The following CEP72 variants were observed in gnomAD, a reference collection of about 807,000 sequenced individuals.
CEP72 encodes the protein centrosomal protein of 72 kDa.
A neutral mutation model predicts 65.7 loss-of-function variants in CEP72; 78 were observed. The ratio of observed to expected loss-of-function variants is 1.19; its 90% CI spans 0.99 to 1.43. The LOEUF (loss-of-function observed/expected upper bound fraction) is 1.43, where lower values mean the gene tolerates loss of function less well. Among genes scored for constraint, CEP72 ranks in the 40% most tolerant of loss-of-function variants. The pLI is 0.00. For missense variants in CEP72, 914 were observed against 832.9 expected, an observed-to-expected ratio of 1.10 and a Z score of -1.20; for synonymous variants, 358 against 351.7, an observed-to-expected ratio of 1.02 and a Z score of -0.20.
Position 635,416 on chromosome 5 carries a change from G to A in CEP72, c.736G>A (p.Gly246Arg). Reference protein sequence around the residue: ...LSPQLVQYQCGDSGKQGRETR... With the variant: ...LSPQLVQYQCRDSGKQGRETR... ...CCCGCAGTTGGTACAGTACCAGTGT[G>A]GGGACTCTGGGAAGCAGGGCCGTGA... The change falls in exon 6 of 12, where the codon GGG (glycine) becomes AGG (arginine). Residue 246 changes from glycine to arginine, a missense_variant. Physicochemically the swap from Gly to Arg is moderately radical, Grantham distance 125. Coordinates refer to ENST00000264935, the MANE Select transcript of CEP72 (RefSeq NM_018140.4). The A allele has an allele frequency of 6.2e-7, 1 of 1,613,864 alleles. No individual in the cohort carries two copies. The highest frequency in any genetic ancestry group is 8.5e-7 in the Non-Finnish European group (1 of 1,179,726).
At chr5:632,004 G>A (rs1737222723) in intron 4 of CEP72, among the ~76,000 whole-genome samples, 1 of 41,156 alleles carries the variant, frequency 2.4e-5, no homozygotes, top group African/African-American at 2.1e-4. Context: ...GCCCAGTCCT[G>A]GTGGGGTTCT....
rs773239729 is a variant in CEP72, at chr5:640,390, T to G, written c.1343-18T>G. ...TTTAAGCCTAAGTGCTAATGTAATA[T>G]TTGGTTTTCACTCCTAGCTCAGGCA... On this transcript the variant is annotated intron_variant, in intron 8 of 11. Coordinates refer to ENST00000264935, the MANE Select transcript of CEP72 (RefSeq NM_018140.4). The G allele has an allele frequency of 5.0e-6, 8 of 1,607,930 alleles. No individual in the cohort carries two copies. In the East Asian group the frequency reaches 1.8e-4, roughly 36 times the overall value.
chr5:642,719 A>C (rs1330043331), intron 9 of CEP72: 10 of 985,294 alleles, frequency 1.0e-5, no homozygotes, highest in Non-Finnish European at 1.2e-5. Context: ...GATCCAGAAG[A>C]ATCTGGCAGC....
At chr5:672,151 CAA>C, downstream of CEP72, among the ~76,000 whole-genome samples, 1 of 152,314 alleles carries the variant, frequency 6.6e-6, no homozygotes, top group South Asian at 2.1e-4. Flanking sequence ...GACTTTAGGA[CAA>C]AGTGTCCTAC....
At chr5:641,758 G>A in intron 9 of CEP72, 1 of 983,686 alleles carries the variant, frequency 1.0e-6, no homozygotes, top group Non-Finnish European at 1.2e-6. Context: ...AGAAGCCTGT[G>A]CATTTAAGCA....
downstream of CEP72, among the ~76,000 whole-genome samples, chr5:668,570 A>G (rs1389381776): frequency 1.3e-5 from 2 of 152,212 alleles, 1 homozygote. Flanking sequence ...CGGCACCTCG[A>G]GCTGAGCAGG....
rs139757569 is a variant in CEP72, at chr5:665,992, G to T, written n.485G>T. ...CACCGTCACCCCTGAGATGATGGGCGCCTTGCCCTCGATGAGCCTGTGCAC... is the reference window on the plus strand; with the variant it reads ...CACCGTCACCCCTGAGATGATGGGCTCCTTGCCCTCGATGAGCCTGTGCAC... On this transcript the variant is annotated non_coding_transcript_exon_variant, in exon 4 of 5. Transcript: ENST00000514507. 23 of 1,601,206 alleles carry T rather than the reference G, an allele frequency of 1.4e-5. No homozygotes were observed. The highest frequency in any genetic ancestry group is 5.1e-5 in the Admixed American group (3 of 59,382).
At position 613,707 on chromosome 5, in the gene CEP72, G is replaced by T. The variant is rs556024165; in HGVS notation, c.82+1264G>T. On this transcript the variant is annotated intron_variant, in intron 1 of 11. Transcript: ENST00000264935. ...TAGAGGAACAGGACTGTGAGGAGCTGGAAGATTGGTGTTGTCAGTTGGTGG... is the reference window on the plus strand; with the variant it reads ...TAGAGGAACAGGACTGTGAGGAGCTTGAAGATTGGTGTTGTCAGTTGGTGG... Among the ~76,000 whole-genome samples the T allele has an allele frequency of 4.6e-5, 7 of 152,308 alleles. No homozygotes were observed. In the East Asian group the frequency reaches 9.7e-4, roughly 21 times the overall value.
chr5:671,671 AC>A (rs540046512), downstream of CEP72, among the ~76,000 whole-genome samples: 165 of 152,288 alleles, frequency 1.1e-3, no homozygotes, highest in Non-Finnish European at 1.7e-3. Flanking sequence ...AAGCTCCTGA[AC>A]CCTCAGCCAC....
chr5:624,568 G>A lies in CEP72; in HGVS notation c.501G>A (p.Leu167=), dbSNP rs1228924391. The change falls in exon 4 of 12, where the codon TTG becomes TTA. Residue 167 remains leucine (L), a synonymous_variant. Coordinates refer to ENST00000264935, the MANE Select transcript of CEP72 (RefSeq NM_018140.4). The surrounding 1 kb of genome is among the most constrained non-coding windows in gnomAD (Gnocchi z 4.7). ...LDSKESVPAS[L]KEGRPHHPRA... ...CCAAAGAGAGCGTCCCAGCTTCTTT[G>A]AAAGAGGGCAGGTATGAACGGAAGT... is the stretch of plus-strand genomic sequence containing the variant. 1 of 1,610,820 alleles carries A rather than the reference G, an allele frequency of 6.2e-7. No individual in the cohort carries two copies. Among genetic ancestry groups the A allele is most frequent in the East Asian group, 2.2e-5 (1 of 44,876 alleles).
At chr5:617,335 A>C (rs188905826) in intron 1 of CEP72, among the ~76,000 whole-genome samples, 1 of 152,258 alleles carries the variant, frequency 6.6e-6, no homozygotes, top group East Asian at 1.9e-4. Flanking sequence ...TGTCCTCTCC[A>C]TGTTGCCTGG....
intron 1 of CEP72, chr5:662,880 ATTCC>A (rs1469166142): frequency 1.4e-5 from 2 of 143,738 alleles, no homozygotes; most frequent in African/African-American, 5.5e-5. Context: ...TGATCGGGTG[ATTCC>A]GATGACTGCT....
In CEP72 at chr5:620,202, A is replaced by G. The variant is rs1198783003; in HGVS notation, c.344A>G (p.Lys115Arg). The G allele has an allele frequency of 1.2e-6, 2 of 1,614,088 alleles. No individual in the cohort carries two copies. The highest frequency in any genetic ancestry group is 2.7e-5 in the African/African-American group (2 of 74,940). The stretch of plus-strand genomic sequence containing the variant: ...GACTTCCGGCTGAACCCCGTGGTGA[A>G]GGTTGAGCCTGACTACCGCCTTTTT... ...DVDFRLNPVV[K>R]VEPDYRLFVV... is the part of the protein sequence containing the mutation. The change falls in exon 3 of 12, where the codon AAG becomes AGG. Residue 115 changes from lysine (K) to arginine (R), a missense_variant. Physicochemically the swap from Lys to Arg is conservative, Grantham distance 26. Transcript: ENST00000264935.
At chr5:654,594 C>T (rs968346268), downstream of CEP72, among the ~76,000 whole-genome samples, 10 of 152,182 alleles carry the variant, frequency 6.6e-5, no homozygotes, top group African/African-American at 2.2e-4. Context: ...GTGGTCCTAA[C>T]AGGAAAATGT....
downstream of CEP72, among the ~76,000 whole-genome samples, chr5:668,840 C>A (rs536630239): frequency 6.6e-6 from 1 of 152,246 alleles, no homozygotes; most frequent in African/African-American, 2.4e-5. Flanking sequence ...ACAGCACCCC[C>A]ACCCCTCGAG....
Position 624,676 on chromosome 5 carries a change from C to T in CEP72, c.512+97C>T. On this transcript the variant is annotated intron_variant, in intron 4 of 11. Transcript: ENST00000264935. This position sits in a 1 kb window ranked among gnomAD's most constrained non-coding sequence, Gnocchi z 4.7. ...TCATTCACTGTGTGCCGGTCACTCT[C>T]CAGGGGCGGACACCAGGAGGGAGGA... 2.2e-6 allele frequency: 2 copies of T among 900,224 alleles called. No individual in the cohort carries two copies. The highest frequency in any genetic ancestry group is 1.4e-5 in the South Asian group (1 of 71,210). The allele number at this position is 900,224 out of a possible 1,614,324, so 55.8% of individuals were successfully genotyped here.
downstream of CEP72, among the ~76,000 whole-genome samples, chr5:670,243 C>A (rs1221226684): frequency 6.6e-6 from 1 of 152,148 alleles, no homozygotes; most frequent in Non-Finnish European, 1.5e-5. Flanking sequence ...GCATCCAGCA[C>A]CCTTGTGAAT....
intron 1 of CEP72, among the ~76,000 whole-genome samples, chr5:618,187 C>CCTGGGGAG (rs1736117666): frequency 6.6e-6 from 1 of 151,946 alleles, no homozygotes; most frequent in Non-Finnish European, 1.5e-5. Context: ...GAGGGAGAGG[C>CCTGGGGAG]AGTAAAGGTG....
chr5:652,056 C>T (rs900495273), intron 11 of CEP72, among the ~76,000 whole-genome samples: 1 of 152,166 alleles, frequency 6.6e-6, no homozygotes, highest in African/African-American at 2.4e-5. Flanking sequence ...GGAGATGCAG[C>T]GGAGCAGAAG....
Sources: allele counts gnomAD v4.1 joint callset (sites outside exome capture counted in the v4.1 genomes callset), GRCh38; gene constraint gnomAD v4.1.1; non-coding constraint Gnocchi (gnomAD v3.1); transcripts MANE v1.5; gene names NCBI Gene and HGNC (gene_info 2026-07-23, HGNC 2026-07-21).